The following TGFB2 variants were observed in gnomAD, a reference collection of about 807,000 sequenced individuals.
TGFB2 encodes transforming growth factor beta 2.
Under a neutral mutation model 42.7 loss-of-function variants are expected in TGFB2, and 13 were observed. That is an observed-to-expected ratio of 0.30 (90% CI 0.20 to 0.48). The LOEUF is 0.48. Ranked by LOEUF, TGFB2 falls within the 20% of genes least tolerant of loss-of-function variation. The probability of loss-of-function intolerance (pLI) is 0.99; values close to 1 mark genes in which losing one functional copy is unlikely to be tolerated. For missense variants in TGFB2, 390 were observed against 517.5 expected (o/e 0.75, Z 2.39); for synonymous variants, 193 against 193.6 (o/e 1.00, Z 0.03).
chr1:218,378,121 C>A (rs13374308), intron 1 of TGFB2, among the ~76,000 whole-genome samples: 26,808 of 150,508 alleles, frequency 0.18, 4,269 homozygotes, highest in African/African-American at 0.43. Context: ...GATTACAGGC[C>A]CCTGTCACTA....
Position 218,441,624 on chromosome 1 carries a change from T to G in TGFB2, c.*262T>G, listed in dbSNP as rs984454109. 2 of 293,132 alleles carry G rather than the reference T, an allele frequency of 6.8e-6. No individual in the cohort carries two copies. Among genetic ancestry groups the G allele is most frequent in the Admixed American group, 4.8e-5 (1 of 20,740 alleles). 18.2% of individuals were successfully genotyped at this position (293,132 alleles called of 1,614,324 possible). The stretch of plus-strand genomic sequence containing the variant: ...AAGTGAGAGAGACAAGAAGCAAATT[T>G]TTTTTAAAGAAAAAAATAAACACTG... On this transcript the variant is annotated 3_prime_UTR_variant, in exon 7 of 7. Coordinates refer to ENST00000366930, the MANE Select transcript of TGFB2 (RefSeq NM_003238.6).
chr1:218,387,926 A>T (rs895719149), intron 1 of TGFB2, among the ~76,000 whole-genome samples: 2 of 152,158 alleles, frequency 1.3e-5, no homozygotes, highest in East Asian at 1.9e-4. Context: ...CATGAAGTTC[A>T]TGTCTTTTTC....
chr1:218,348,322 T>C (rs1399951405), intron 1 of TGFB2, among the ~76,000 whole-genome samples: 1 of 152,234 alleles, frequency 6.6e-6, no homozygotes, highest in African/African-American at 2.4e-5. Context: ...ATAGATAATA[T>C]AGCCATCTTG....
intron 1 of TGFB2, among the ~76,000 whole-genome samples, chr1:218,352,199 G>A (rs1308980324): frequency 6.8e-6 from 1 of 148,030 alleles, no homozygotes; most frequent in Non-Finnish European, 1.5e-5. Context: ...GCATGGAAGA[G>A]CTCTGGAAAT....
rs548628242 is a variant in TGFB2, at chr1:218,388,046, G to T, written c.347-17123G>T. ...GTCCTCTGCAAGAATAGAAGCTATA[G>T]TTAAAGGACCTGTGCACCCACAGAG... is the stretch of plus-strand genomic sequence containing the variant. On this transcript the variant is annotated intron_variant, in intron 1 of 6. Coordinates refer to ENST00000366930, the MANE Select transcript of TGFB2 (RefSeq NM_003238.6). Among the ~76,000 whole-genome samples, 454 of 152,248 alleles carry T rather than the reference G, an allele frequency of 3.0e-3. 3 individuals carry two copies. Among genetic ancestry groups the T allele is most frequent in the Non-Finnish European group, 4.9e-3 (332 of 68,012 alleles).
At chr1:218,368,432 C>G (rs560887643) in intron 1 of TGFB2, among the ~76,000 whole-genome samples, 1 of 152,170 alleles carries the variant, frequency 6.6e-6, no homozygotes, top group Non-Finnish European at 1.5e-5. Flanking sequence ...CCACCGTGCC[C>G]GGCCTATTCA....
chr1:218,381,160 G>T (rs2102566399), intron 1 of TGFB2, among the ~76,000 whole-genome samples: 1 of 152,154 alleles, frequency 6.6e-6, no homozygotes, highest in Non-Finnish European at 1.5e-5. Flanking sequence ...CTTCGCAACT[G>T]CCCTGAAAGT....
chr1:218,362,911 A>G (rs1325769343), intron 1 of TGFB2, among the ~76,000 whole-genome samples: 3 of 152,220 alleles, frequency 2.0e-5, no homozygotes, highest in East Asian at 1.9e-4. Context: ...GGTTTTAAGA[A>G]CACTGAAATC....
Position 218,362,843 on chromosome 1 carries a change from G to T in TGFB2, c.346+15796G>T, listed in dbSNP as rs189120311. Among the ~76,000 whole-genome samples, 302 of 152,276 alleles carry T rather than the reference G, an allele frequency of 2.0e-3. No homozygotes were observed. The Middle Eastern group carries it at 0.02, about 10-fold the overall frequency. On this transcript the variant is annotated intron_variant, in intron 1 of 6. Coordinates refer to ENST00000366930, the MANE Select transcript of TGFB2 (RefSeq NM_003238.6). ...AGTAGCCCCAAACCAATATTCACTT[G>T]TATTTTTGACTCATTCAAGAAGGAG...
At chr1:218,409,909 G>A (rs992315345) in intron 2 of TGFB2, among the ~76,000 whole-genome samples, 1 of 152,312 alleles carries the variant, frequency 6.6e-6, no homozygotes, top group African/African-American at 2.4e-5. Flanking sequence ...TCAGTAGGAG[G>A]AGAGTATGTA....
At chr1:218,408,002 T>A (rs942929499) in intron 2 of TGFB2, among the ~76,000 whole-genome samples, 1 of 152,238 alleles carries the variant, frequency 6.6e-6, no homozygotes, top group Non-Finnish European at 1.5e-5. Context: ...TTATATCTCC[T>A]TTTTCTTCTC....
intron 1 of TGFB2, among the ~76,000 whole-genome samples, chr1:218,402,173 C>G (rs1658744291): frequency 6.6e-6 from 1 of 152,226 alleles, no homozygotes; most frequent in African/African-American, 2.4e-5. Flanking sequence ...GTTACAACAC[C>G]AAAGCAGTGG....
At chr1:218,393,894 G>C (rs540919448) in intron 1 of TGFB2, among the ~76,000 whole-genome samples, 1 of 150,894 alleles carries the variant, frequency 6.6e-6, no homozygotes, top group Non-Finnish European at 1.5e-5. Context: ...ACTCCTCTAC[G>C]TTAGGCATCG....
chr1:218,441,633 G>A lies in TGFB2; in HGVS notation c.*271G>A. The A allele has an allele frequency of 1.1e-5, 3 of 270,308 alleles. No homozygotes were observed. The highest frequency in any genetic ancestry group is 2.1e-5 in the Non-Finnish European group (3 of 144,756). The allele number at this position is 270,308 out of a possible 1,614,324, so 16.7% of individuals were successfully genotyped here. Reference sequence around the variant, plus strand: ...AGACAAGAAGCAAATTTTTTTTAAAGAAAAAAATAAACACTGGAAGAATTT... The same window carrying A: ...AGACAAGAAGCAAATTTTTTTTAAAAAAAAAAATAAACACTGGAAGAATTT... On this transcript the variant is annotated 3_prime_UTR_variant, in exon 7 of 7. Coordinates refer to ENST00000366930, the MANE Select transcript of TGFB2 (RefSeq NM_003238.6).
Position 218,405,049 on chromosome 1 carries a change from C to T in TGFB2, c.347-120C>T, listed in dbSNP as rs574669011. 4.5e-5 allele frequency: 50 copies of T among 1,113,490 alleles called. No homozygotes were observed. The African/African-American group carries it at 6.9e-4, about 15-fold the overall frequency. The allele number at this position is 1,113,490 out of a possible 1,614,324, so 69.0% of individuals were successfully genotyped here. On this transcript the variant is annotated intron_variant, in intron 1 of 6. Coordinates refer to ENST00000366930, the MANE Select transcript of TGFB2 (RefSeq NM_003238.6). ...ACATTGTTAATGGTATTAAACTGGCCGTTGGAAACTATTCTGTAGATATTT... is the reference window on the plus strand; with the variant it reads ...ACATTGTTAATGGTATTAAACTGGCTGTTGGAAACTATTCTGTAGATATTT...
rs2102525208 is a variant in TGFB2, at chr1:218,345,380, CA to C, written c.-1321del. 6.6e-6 allele frequency: 1 copy of C among 152,376 alleles called. No individual in the cohort carries two copies. Among genetic ancestry groups the C allele is most frequent in the African/African-American group, 2.4e-5 (1 of 41,568 alleles). 9.4% of individuals were successfully genotyped at this position (152,376 alleles called of 1,614,324 possible). ...AGAAGGTTCGCTCCGAGCGGAGCTCCAGAAGCTCCTGACAAGAGAAAGACAG... is the reference window on the plus strand; with the variant it reads ...AGAAGGTTCGCTCCGAGCGGAGCTCCGAAGCTCCTGACAAGAGAAAGACAG... On this transcript the variant is annotated 5_prime_UTR_variant, in exon 1 of 7. An upstream open reading frame in the 5' UTR loses its in-frame stop. Transcript: ENST00000366930.
intron 1 of TGFB2, among the ~76,000 whole-genome samples, chr1:218,354,158 G>A (rs1272390822): frequency 2.0e-5 from 3 of 152,180 alleles, no homozygotes; most frequent in Non-Finnish European, 4.4e-5. Context: ...TTAGCATATT[G>A]TGTTTGATCA....
In TGFB2 at chr1:218,369,256, GAAAAAAAAAAAAAAAAAAAAAAA is replaced by G. The variant is rs34825461; in HGVS notation, c.346+22224_346+22246del. On this transcript the variant is annotated intron_variant, in intron 1 of 6. Coordinates refer to ENST00000366930, the MANE Select transcript of TGFB2 (RefSeq NM_003238.6). The stretch of plus-strand genomic sequence containing the variant: ...GGCAACAAAGCAAGATTCCGTCTCA[GAAAAAAAAAAAAAAAAAAAAAAA>G]AAAAAAAAAAAAAATGGTATGTTGA... Among the ~76,000 whole-genome samples, 9 of 35,658 alleles carry G rather than the reference GAAAAAAAAAAAAAAAAAAAAAAA, an allele frequency of 2.5e-4. No individual in the cohort carries two copies. The South Asian group carries it at 5.5e-3, about 22-fold the overall frequency. The allele number at this position is 35,658 out of a possible 152,430, so 23.4% of individuals were successfully genotyped here.
intron 2 of TGFB2, among the ~76,000 whole-genome samples, chr1:218,425,934 A>G (rs1659608487): frequency 6.6e-6 from 1 of 152,238 alleles, no homozygotes; most frequent in South Asian, 2.1e-4. Flanking sequence ...TGAATGTTTG[A>G]TTCATCATTT....
Sources: gnomAD v4.1 joint callset for allele counts (sites outside exome capture counted in the v4.1 genomes callset) on GRCh38, gnomAD v4.1.1 for gene constraint, MANE v1.5 for transcripts, NCBI Gene and HGNC (gene_info 2026-07-23, HGNC 2026-07-21) for gene names.